NELL1: variants seen among roughly 807,000 people sequenced by gnomAD.
NELL1 encodes neural EGFL like 1, also known as protein kinase C-binding protein NELL1.
Under a neutral mutation model 107.4 loss-of-function variants are expected in NELL1, and 76 were observed. That is an observed-to-expected ratio of 0.71 (90% CI 0.59 to 0.86). The LOEUF is 0.86. NELL1 is among the 40% of genes least tolerant of loss of function. The pLI is 0.00. For missense variants in NELL1, 1,024 were observed against 1,005.5 expected (o/e 1.02, Z -0.25); for synonymous variants, 353 against 341.2 (o/e 1.03, Z -0.38).
intron 14 of NELL1, among the ~76,000 whole-genome samples, chr11:21,258,650 A>C (rs1463384449): frequency 6.6e-6 from 1 of 151,886 alleles, no homozygotes; most frequent in Non-Finnish European, 1.5e-5. Context: ...AATCTGCTTT[A>C]TTCAGTCTAC....
At chr11:20,838,800 A>AGTTGTAGTGG (rs1341133477) in intron 3 of NELL1, among the ~76,000 whole-genome samples, 1 of 152,162 alleles carries the variant, frequency 6.6e-6, no homozygotes, top group Non-Finnish European at 1.5e-5. Context: ...GGTCATTAGT[A>AGTTGTAGTGG]CAATTACCAT....
At chr11:21,318,220 A>G (rs1028017071) in intron 14 of NELL1, among the ~76,000 whole-genome samples, 1 of 152,240 alleles carries the variant, frequency 6.6e-6, no homozygotes, top group African/African-American at 2.4e-5. Flanking sequence ...TTCTTATAAA[A>G]TTAAGGAAAC....
chr11:20,907,655 A>G (rs1218242559), intron 5 of NELL1, among the ~76,000 whole-genome samples: 2 of 152,150 alleles, frequency 1.3e-5, no homozygotes. Flanking sequence ...ATATAAAATC[A>G]TGTAGCTTGA....
chr11:20,706,595 C>T (rs1854964900), intron 2 of NELL1, among the ~76,000 whole-genome samples: 1 of 151,658 alleles, frequency 6.6e-6, no homozygotes, highest in African/African-American at 2.4e-5. Context: ...GGGTGCAGCA[C>T]ACCAACATGG....
intron 15 of NELL1, among the ~76,000 whole-genome samples, chr11:21,490,341 A>G (rs1590973253): frequency 6.6e-6 from 1 of 151,734 alleles, no homozygotes; most frequent in South Asian, 2.1e-4. Flanking sequence ...AAGAATTAAT[A>G]TTATTATAAT....
rs999999116 is a variant in NELL1, at chr11:21,018,921, T to G, written c.1300+58361T>G. 2.6e-5 allele frequency among the ~76,000 whole-genome samples: 4 copies of G among 152,226 alleles called. No homozygotes were observed. In the East Asian group the frequency reaches 7.8e-4, roughly 30 times the overall value. On this transcript the variant is annotated intron_variant, in intron 12 of 19. Transcript: ENST00000357134. ...CTGTGTTCTACTTCATTTTAAGTAT[T>G]CCTAATGTTTGGACATCTCCCACTC...
At chr11:20,976,376 C>G (rs1469930156) in intron 12 of NELL1, among the ~76,000 whole-genome samples, 2 of 152,024 alleles carry the variant, frequency 1.3e-5, no homozygotes, top group African/African-American at 2.4e-5. Flanking sequence ...GACAAGCAGA[C>G]CATTTGATAT....
intron 15 of NELL1, among the ~76,000 whole-genome samples, chr11:21,525,275 G>T (rs1052909874): frequency 1.3e-5 from 2 of 152,114 alleles, no homozygotes; most frequent in Non-Finnish European, 2.9e-5. Flanking sequence ...TTAATAGCAG[G>T]TACCTTTCAG....
chr11:21,236,821 A>G (rs1858219689), intron 14 of NELL1, among the ~76,000 whole-genome samples: 1 of 152,104 alleles, frequency 6.6e-6, no homozygotes, highest in African/African-American at 2.4e-5. Context: ...AACATGGGGG[A>G]CATGACAAGT....
intron 12 of NELL1, among the ~76,000 whole-genome samples, chr11:21,070,540 A>G (rs548215182): frequency 6.6e-6 from 1 of 152,292 alleles, no homozygotes; most frequent in South Asian, 2.1e-4. Flanking sequence ...TGCTACTGAA[A>G]TTGAACAATA....
At chr11:21,250,603 C>T (rs1858613245) in intron 14 of NELL1, among the ~76,000 whole-genome samples, 1 of 152,136 alleles carries the variant, frequency 6.6e-6, no homozygotes, top group Non-Finnish European at 1.5e-5. Flanking sequence ...ATTTAGAACA[C>T]AAACAAACTC....
intron 13 of NELL1, among the ~76,000 whole-genome samples, chr11:21,223,161 A>G (rs1590747749): frequency 1.3e-5 from 2 of 151,830 alleles, no homozygotes; most frequent in African/African-American, 2.4e-5. Flanking sequence ...TCATTATTGT[A>G]TTGGAATCTC....
chr11:21,277,019 A>G lies in NELL1; in HGVS notation c.1549+47565A>G, dbSNP rs111925235. 2.2e-3 allele frequency among the ~76,000 whole-genome samples: 328 copies of G among 151,434 alleles called. 3 individuals carry two copies. Among genetic ancestry groups the G allele is most frequent in the African/African-American group, 7.7e-3 (319 of 41,288 alleles). On this transcript the variant is annotated intron_variant, in intron 14 of 19. Coordinates refer to ENST00000357134, the MANE Select transcript of NELL1 (RefSeq NM_006157.5). Reference sequence around the variant, plus strand: ...ACTTCATGTCTAAAACACCAAAAGCAATGGCAACAAAAGCCAAAATTGACA... The same window carrying G: ...ACTTCATGTCTAAAACACCAAAAGCGATGGCAACAAAAGCCAAAATTGACA...
At chr11:21,008,182 T>C (rs1008785838) in intron 12 of NELL1, among the ~76,000 whole-genome samples, 1 of 152,160 alleles carries the variant, frequency 6.6e-6, no homozygotes, top group Non-Finnish European at 1.5e-5. Flanking sequence ...TTTTGGAACT[T>C]CTTACATTAC....
At chr11:20,981,939 A>T (rs578075670) in intron 12 of NELL1, among the ~76,000 whole-genome samples, 1 of 144,702 alleles carries the variant, frequency 6.9e-6, no homozygotes, top group East Asian at 2.3e-4. Context: ...AAACAATGTC[A>T]CCAGGGCTCT....
chr11:20,960,376 G>T, intron 11 of NELL1, 56 bp from the exon 12 acceptor site: 1 of 1,551,808 alleles, frequency 6.4e-7, no homozygotes, highest in Non-Finnish European at 8.9e-7. Flanking sequence ...ACTTTATTTT[G>T]GGGAGTTACT....
chr11:21,322,081 T>G (rs1433650295), intron 14 of NELL1, among the ~76,000 whole-genome samples: 1 of 152,164 alleles, frequency 6.6e-6, no homozygotes, highest in East Asian at 1.9e-4. Flanking sequence ...GATGATCCCA[T>G]GGAATGATGG....
chr11:20,998,678 T>G (rs1852147935), intron 12 of NELL1, among the ~76,000 whole-genome samples: 1 of 152,236 alleles, frequency 6.6e-6, no homozygotes, highest in Non-Finnish European at 1.5e-5. Context: ...TGTTGACCAG[T>G]AGGAAAACAT....
chr11:21,327,815 TGG>T (rs1194915451), intron 14 of NELL1, among the ~76,000 whole-genome samples: 1 of 152,094 alleles, frequency 6.6e-6, no homozygotes, highest in African/African-American at 2.4e-5. Context: ...AGGAACTTGT[TGG>T]GAACTGGAGT....
Sources: allele counts gnomAD v4.1 joint callset (sites outside exome capture counted in the v4.1 genomes callset), GRCh38; gene constraint gnomAD v4.1.1; transcripts MANE v1.5; gene names NCBI Gene and HGNC (gene_info 2026-07-23, HGNC 2026-07-21).